The following ALMS1 variants were observed in gnomAD, a reference collection of about 807,000 sequenced individuals.
The protein encoded by ALMS1 is centrosome-associated protein ALMS1.
A neutral mutation model predicts 352.2 loss-of-function variants in ALMS1; 271 were observed. The observed-to-expected ratio is 0.77, with a 90% CI of 0.70 to 0.85. The LOEUF (loss-of-function observed/expected upper bound fraction) is 0.85. Ranked by LOEUF, ALMS1 falls within the 40% of genes least tolerant of loss-of-function variation. The pLI is 0.00. For missense variants in ALMS1, 5,445 were observed against 4,870.7 expected (o/e 1.12, Z -3.51); for synonymous variants, 1,865 against 1,761.2 (o/e 1.06, Z -1.48).
At chr2:73,591,144 A>G (rs1675424762) in intron 16 of ALMS1, among the ~76,000 whole-genome samples, 2 of 152,088 alleles carry the variant, frequency 1.3e-5, no homozygotes, top group Non-Finnish European at 2.9e-5. Flanking sequence ...ACATTGTGTT[A>G]ATATTGGAAT....
intron 10 of ALMS1, among the ~76,000 whole-genome samples, chr2:73,492,400 C>G (rs903664586): frequency 6.6e-6 from 1 of 152,182 alleles, no homozygotes; most frequent in African/African-American, 2.4e-5. Flanking sequence ...GATGATATCT[C>G]TATTTTCCTA....
chr2:73,589,896 T>G (rs1046719375), intron 16 of ALMS1, among the ~76,000 whole-genome samples: 5 of 152,240 alleles, frequency 3.3e-5, no homozygotes, highest in Non-Finnish European at 2.9e-5. Flanking sequence ...CTCGTATACT[T>G]AATTTCCTAC....
Position 73,490,233 on chromosome 2 carries a change from A to G in ALMS1, c.8274A>G (p.Gln2758=), listed in dbSNP as rs181226362. 380 of 1,614,138 alleles carry G rather than the reference A, an allele frequency of 2.4e-4. 1 individual carries two copies. In the African/African-American group the frequency reaches 4.4e-3, roughly 19 times the overall value. ...GVFNSHFTEE[Q]NPPRDLKQKT... The stretch of plus-strand genomic sequence containing the variant: ...TTAATTCTCATTTCACTGAAGAACA[A>G]AATCCTCCCAGAGATCTTAAACAGA... Residue 2758 remains glutamine (Q), a synonymous_variant, in exon 10 of 23, where the codon CAA becomes CAG. Transcript: ENST00000613296.
intron 22 of ALMS1, among the ~76,000 whole-genome samples, chr2:73,608,832 G>T (rs956875306): frequency 1.3e-5 from 2 of 152,224 alleles, no homozygotes; most frequent in Admixed American, 1.3e-4. Flanking sequence ...TTCACACACA[G>T]GAGTTCATTG....
intron 15 of ALMS1, among the ~76,000 whole-genome samples, chr2:73,564,327 A>G (rs1003706093): frequency 2.6e-5 from 4 of 151,852 alleles, no homozygotes; most frequent in Non-Finnish European, 5.9e-5. Flanking sequence ...ATAGCCGGGC[A>G]TGGCGGTGCA....
At chr2:73,425,429 G>A (rs893439209) in intron 5 of ALMS1, among the ~76,000 whole-genome samples, 2 of 152,068 alleles carry the variant, frequency 1.3e-5, no homozygotes, top group African/African-American at 4.8e-5. Flanking sequence ...TACTCTCCAG[G>A]GGACATAATA....
At position 73,448,110 on chromosome 2, in the gene ALMS1, C is replaced by G; in HGVS notation, c.1583C>G (p.Thr528Ser). 2 of 1,613,856 alleles carry G rather than the reference C, an allele frequency of 1.2e-6. No homozygotes were observed. The highest frequency in any genetic ancestry group is 2.2e-5 in the South Asian group (2 of 91,078). Reference protein sequence around the residue: ...SQLAVSSPLETTTGQHTDTLN... With the variant: ...SQLAVSSPLESTTGQHTDTLN... ...TTGGCTGTAAGTTCTCCTCTAGAAA[C>G]TACTACTGGTCAACACACTGATACT... is the stretch of plus-strand genomic sequence containing the variant. Residue 528 changes from threonine (T) to serine (S), a missense_variant, in exon 8 of 23, where the codon ACT becomes AGT. Transcript: ENST00000613296.
At chr2:73,485,958 C>T (rs951134217) in intron 9 of ALMS1, among the ~76,000 whole-genome samples, 2 of 152,024 alleles carry the variant, frequency 1.3e-5, no homozygotes, top group African/African-American at 4.8e-5. Context: ...CACCCACTGA[C>T]CTGCGCCCAC....
chr2:73,450,574 A>G lies in ALMS1; in HGVS notation c.4047A>G (p.Pro1349=). 6.2e-7 allele frequency: 1 copy of G among 1,612,556 alleles called. No individual in the cohort carries two copies. Among genetic ancestry groups the G allele is most frequent in the Non-Finnish European group, 8.5e-7 (1 of 1,179,770 alleles). ...GTGTTTTCTACCAACAGGTCTTGCC[A>G]CATAGTCATCCAACTGAAGAGGCTC... is the stretch of plus-strand genomic sequence containing the variant. The part of the protein sequence containing the change: ...KPGVFYQQVL[P]HSHPTEEALK... Residue 1349 remains proline (P), a synonymous_variant, in exon 8 of 23, where the codon CCA becomes CCG. Transcript: ENST00000613296.
At position 73,559,171 on chromosome 2, in the gene ALMS1, G is replaced by T; in HGVS notation, c.10384+29G>T. Reference sequence around the variant, plus strand: ...ATGGGATTGGGTTGTGTATGAGTGTGTGTGTCTTTGTGTGTATGTGAGGGT... The same window carrying T: ...ATGGGATTGGGTTGTGTATGAGTGTTTGTGTCTTTGTGTGTATGTGAGGGT... On this transcript the variant is annotated intron_variant, in intron 15 of 22. Transcript: ENST00000613296. 5 of 1,601,766 alleles carry T rather than the reference G, an allele frequency of 3.1e-6. No individual in the cohort carries two copies. The South Asian group carries it at 3.3e-5, about 11-fold the overall frequency.
Position 73,550,416 on chromosome 2 carries a change from C to T in ALMS1, c.10057C>T (p.Pro3353Ser). 1 of 1,614,106 alleles carries T rather than the reference C, an allele frequency of 6.2e-7. No individual in the cohort carries two copies. The highest frequency in any genetic ancestry group is 8.5e-7 in the Non-Finnish European group (1 of 1,179,984). ...TKASLPVGEK[P>S]LQNENADASV... ...GGCATCCTTGCCAGTGGGAGAAAAA[C>T]CCTTGCAGAATGAAAATGCAGGTAA... Residue 3353 changes from proline to serine, a missense_variant, in exon 13 of 23, where the codon CCC becomes TCC. Physicochemically the swap from Pro to Ser is moderately conservative, Grantham distance 74 (BLOSUM62 -1). Coordinates refer to ENST00000613296, the MANE Select transcript of ALMS1 (RefSeq NM_001378454.1).
rs749304523 is a variant in ALMS1, at chr2:73,600,849, A to G, written c.11840A>G (p.Lys3947Arg). The G allele has an allele frequency of 1.7e-5, 27 of 1,614,164 alleles. No individual in the cohort carries two copies. The highest frequency in any genetic ancestry group is 2.2e-5 in the Non-Finnish European group (26 of 1,180,004). The stretch of plus-strand genomic sequence containing the variant: ...TTTACCGGTTATCCTGAGGACAGAA[A>G]GTTAAAAAAGAACAAGAAGAATTCC... ...MLFTGYPEDR[K>R]LKKNKKNSHE... is the part of the protein sequence containing the mutation. The change falls in exon 18 of 23, where the codon AAG becomes AGG. Residue 3947 changes from lysine to arginine, a missense_variant. Transcript: ENST00000613296.
At chr2:73,421,273 G>C (rs1671278728) in intron 3 of ALMS1, among the ~76,000 whole-genome samples, 1 of 152,034 alleles carries the variant, frequency 6.6e-6, no homozygotes, top group African/African-American at 2.4e-5. Flanking sequence ...ACCTAGTTAG[G>C]GTTAACTCTA....
intron 9 of ALMS1, among the ~76,000 whole-genome samples, chr2:73,476,916 A>G (rs1002097365): frequency 1.3e-5 from 2 of 152,166 alleles, no homozygotes; most frequent in African/African-American, 2.4e-5. Flanking sequence ...ACAAACTGAT[A>G]TAAGTTAATT....
intron 9 of ALMS1, among the ~76,000 whole-genome samples, chr2:73,478,868 T>A (rs1279593940): frequency 6.6e-6 from 1 of 152,030 alleles, no homozygotes; most frequent in African/African-American, 2.4e-5. Flanking sequence ...GGCCCCGGTG[T>A]GTGATGTTCC....
intron 1 of ALMS1, among the ~76,000 whole-genome samples, chr2:73,404,685 G>A (rs926541035): frequency 6.6e-6 from 1 of 151,834 alleles, no homozygotes; most frequent in African/African-American, 2.4e-5. Flanking sequence ...GTAATATTTT[G>A]TTGAGGATTT....
chr2:73,554,321 A>G (rs530235770), intron 13 of ALMS1, among the ~76,000 whole-genome samples: 1 of 152,200 alleles, frequency 6.6e-6, no homozygotes, highest in East Asian at 1.9e-4. Flanking sequence ...TTGTGAGCTT[A>G]TATGTATATT....
At chr2:73,426,703 CT>C in intron 6 of ALMS1, 150 bp downstream of exon 6, 1 of 791,598 alleles carries the variant, frequency 1.3e-6, no homozygotes, top group Non-Finnish European at 2.1e-6. Context: ...GAGCTAGCAG[CT>C]TTAGAGAAAT....
intron 1 of ALMS1, among the ~76,000 whole-genome samples, chr2:73,389,554 ATTTAAATCT>A (rs1489522584): frequency 6.6e-6 from 1 of 152,144 alleles, no homozygotes; most frequent in African/African-American, 2.4e-5. Context: ...CGGGCCTTAC[ATTTAAATCT>A]TTAATCTATC....
Sources: allele counts gnomAD v4.1 joint callset (sites outside exome capture counted in the v4.1 genomes callset), GRCh38; gene constraint gnomAD v4.1.1; transcripts MANE v1.5; gene names NCBI Gene and HGNC (gene_info 2026-07-23, HGNC 2026-07-21).